The following SALL3 variants were observed in gnomAD, a reference collection of about 807,000 sequenced individuals.
SALL3 encodes spalt like transcription factor 3.
In SALL3, 25 loss-of-function variants were observed where a neutral mutation model predicts 66.2. That is an observed-to-expected ratio of 0.38 (90% confidence interval 0.28 to 0.53). The LOEUF (loss-of-function observed/expected upper bound fraction) is 0.53. Ranked by LOEUF, SALL3 falls within the 20% of genes least tolerant of loss-of-function variation. The probability of loss-of-function intolerance (pLI) is 0.85; values close to 1 mark genes in which losing one functional copy is unlikely to be tolerated. For missense variants in SALL3, 2,194 were observed against 1,916.5 expected (o/e 1.14, Z -2.70); for synonymous variants, 1,152 against 899.1 (o/e 1.28, Z -5.03).
Position 78,993,273 on chromosome 18 carries a change from G to A in SALL3, c.1282G>A (p.Val428Ile), listed in dbSNP as rs757098474. The change falls in exon 2 of 3, where the codon GTC becomes ATC. Residue 428 changes from valine to isoleucine, a missense_variant. Coordinates refer to ENST00000537592, the MANE Select transcript of SALL3 (RefSeq NM_171999.4). Reference protein sequence around the residue: ...FKHKCRFCAKVFGSDSALQIH... With the variant: ...FKHKCRFCAKIFGSDSALQIH... ...GCACAAATGCCGCTTCTGCGCCAAG[G>A]TCTTCGGCAGCGACAGCGCGCTCCA... 1.2e-6 allele frequency: 2 copies of A among 1,610,756 alleles called. No individual in the cohort carries two copies. The highest frequency in any genetic ancestry group is 1.3e-5 in the African/African-American group (1 of 75,050).
intron 1 of SALL3, among the ~76,000 whole-genome samples, chr18:78,986,892 A>G (rs2146210175): frequency 1.3e-5 from 2 of 152,346 alleles, no homozygotes; most frequent in South Asian, 4.1e-4. Context: ...CTTAAAAACC[A>G]CTGTACTTGA....
At chr18:78,982,079 G>A (rs188752941) in intron 1 of SALL3, among the ~76,000 whole-genome samples, 3 of 152,302 alleles carry the variant, frequency 2.0e-5, no homozygotes, top group Admixed American at 2.0e-4. Context: ...TTAATTAATA[G>A]AGTAAACCCC....
chr18:78,995,289 C>G lies in SALL3; in HGVS notation c.3298C>G (p.Pro1100Ala). ...PQTVMGPGLA[P>A]MLAPPPRRTP... ...GACAGTGATGGGCCCGGGCCTGGCG[C>G]CCATGCTGGCCCCCCCACCGCGCCG... The change falls in exon 2 of 3, where the codon CCC becomes GCC. Residue 1100 changes from proline to alanine, a missense_variant. Pro to Ala is a conservative substitution (Grantham distance 27, BLOSUM62 -1). Coordinates refer to ENST00000537592, the MANE Select transcript of SALL3 (RefSeq NM_171999.4). The G allele has an allele frequency of 1.3e-6, 2 of 1,579,288 alleles. No individual in the cohort carries two copies. The highest frequency in any genetic ancestry group is 1.7e-6 in the Non-Finnish European group (2 of 1,168,048).
At chr18:78,989,362 C>T (rs1048344289) in intron 1 of SALL3, among the ~76,000 whole-genome samples, 17 of 152,206 alleles carry the variant, frequency 1.1e-4, no homozygotes, top group African/African-American at 3.6e-4. Context: ...GGGTCAGGAC[C>T]TTTGCAAAAA....
Position 78,993,579 on chromosome 18 carries a change from C to T in SALL3, c.1588C>T (p.Leu530=), listed in dbSNP as rs1914554910. 1.3e-6 allele frequency: 2 copies of T among 1,587,356 alleles called. No homozygotes were observed. Among genetic ancestry groups the T allele is most frequent in the Non-Finnish European group, 1.7e-6 (2 of 1,172,098 alleles). Residue 530 remains leucine (L), a synonymous_variant, in exon 2 of 3, where the codon CTG becomes TTG. Transcript: ENST00000537592. ...PTVPTSVGLQ[L]PPTVPGAHGY... ...CGTGCCCACGTCCGTGGGGCTGCAA[C>T]TGCCGCCCACTGTCCCTGGCGCGCA...
Position 78,994,124 on chromosome 18 carries a change from C to T in SALL3, c.2133C>T (p.Ile711=), listed in dbSNP as rs777071337. The change falls in exon 2 of 3, where the codon ATC becomes ATT. Residue 711 remains isoleucine (I), a synonymous_variant. Transcript: ENST00000537592. The part of the protein sequence containing the change: ...HTGERPFKCK[I]CGRAFTTKGN... The stretch of plus-strand genomic sequence containing the variant: ...GGGAGCGGCCGTTCAAGTGCAAGAT[C>T]TGCGGCCGCGCCTTCACCACCAAGG... 2 of 1,612,832 alleles carry T rather than the reference C, an allele frequency of 1.2e-6. No individual in the cohort carries two copies. The highest frequency in any genetic ancestry group is 2.7e-5 in the African/African-American group (2 of 74,952).
At chr18:78,984,260 G>T (rs529397238) in intron 1 of SALL3, among the ~76,000 whole-genome samples, 128 of 152,222 alleles carry the variant, frequency 8.4e-4, no homozygotes, top group African/African-American at 3.0e-3. Flanking sequence ...CACAACCAGG[G>T]TTTCTATTCT....
chr18:78,992,422 CGCCCCG>C lies in SALL3; in HGVS notation c.437_442del (p.Arg146_Pro147del), dbSNP rs1050975814. ...GCGGAACCCGCGGGGGACACGCGCG[CGCCCCG>C]GCCCCCGCCTGCGGCCCCTGCACCC... On this transcript the variant is annotated inframe_deletion, in exon 2 of 3. Coordinates refer to ENST00000537592, the MANE Select transcript of SALL3 (RefSeq NM_171999.4). 18 of 1,337,122 alleles carry C rather than the reference CGCCCCG, an allele frequency of 1.3e-5. No individual in the cohort carries two copies. The African/African-American group carries it at 2.4e-4, about 18-fold the overall frequency. The allele number at this position is 1,337,122 out of a possible 1,614,324, so 82.8% of individuals were successfully genotyped here.
chr18:78,994,989 A>C lies in SALL3; in HGVS notation c.2998A>C (p.Thr1000Pro). The stretch of plus-strand genomic sequence containing the variant: ...GTTGGAAATCCACTACCGCAGCCAT[A>C]CTAAGGAGCGGCCATTCGTCTGCGC... ...SALEIHYRSH[T>P]KERPFVCALC... Residue 1000 changes from threonine to proline, a missense_variant, in exon 2 of 3, where the codon ACT becomes CCT. By Grantham distance (38) the Thr-to-Pro change is conservative. Transcript: ENST00000537592. 6.2e-7 allele frequency: 1 copy of C among 1,613,866 alleles called. No individual in the cohort carries two copies. The highest frequency in any genetic ancestry group is 2.2e-5 in the East Asian group (1 of 44,864).
chr18:78,992,526 GC>G lies in SALL3; in HGVS notation c.536del (p.Ala179GlyfsTer26). ...GCTGCTGAGCACCAAGGTGGCGGTG[GC>G]GCAGTTCTCGCAGGGCGCGCGCGCG... ...EALLSTKVAV[A>X]QFSQGARAAG... On this transcript the variant is annotated frameshift_variant, in exon 2 of 3. Coordinates refer to ENST00000537592, the MANE Select transcript of SALL3 (RefSeq NM_171999.4). LOFTEE classifies it high-confidence loss of function. 1 of 1,491,668 alleles carries G rather than the reference GC, an allele frequency of 6.7e-7. No homozygotes were observed. Among genetic ancestry groups the G allele is most frequent in the Non-Finnish European group, 8.9e-7 (1 of 1,126,878 alleles). The allele number at this position is 1,491,668 out of a possible 1,614,324, so 92.4% of individuals were successfully genotyped here. A position where few individuals can be genotyped will look rare whatever the true frequency, so the allele number is the denominator to read the frequency against.
rs1159395703 is a variant in SALL3, at chr18:78,993,091, C to T, written c.1100C>T (p.Ser367Phe). The part of the protein sequence containing the change: ...GLPSPLLPQT[S>F]ASGVIFPNPL... ...CCAAGTCCGCTTCTACCTCAGACTTCCGCCAGCGGCGTCATCTTCCCCAAC... is the reference window on the plus strand; with the variant it reads ...CCAAGTCCGCTTCTACCTCAGACTTTCGCCAGCGGCGTCATCTTCCCCAAC... The change falls in exon 2 of 3, where the codon TCC becomes TTC. Residue 367 changes from serine to phenylalanine, a missense_variant. Coordinates refer to ENST00000537592, the MANE Select transcript of SALL3 (RefSeq NM_171999.4). 2 of 1,599,790 alleles carry T rather than the reference C, an allele frequency of 1.3e-6. No individual in the cohort carries two copies. The highest frequency in any genetic ancestry group is 8.5e-7 in the Non-Finnish European group (1 of 1,176,802).
At position 78,997,595 on chromosome 18, in the gene SALL3, A is replaced by G. The variant is rs1599185747; in HGVS notation, c.*273A>G. 1 of 473,938 alleles carries G rather than the reference A, an allele frequency of 2.1e-6. No homozygotes were observed. Among genetic ancestry groups the G allele is most frequent in the South Asian group, 4.6e-5 (1 of 21,810 alleles). 29.4% of individuals were successfully genotyped at this position (473,938 alleles called of 1,614,324 possible). A position where few individuals can be genotyped will look rare whatever the true frequency, so the allele number is the denominator to read the frequency against. ...CTTAGGAACAGAAAGAGCTCAGACC[A>G]TGTCCACTTCCTTTCTCCTGAAACC... On this transcript the variant is annotated 3_prime_UTR_variant, in exon 3 of 3. Coordinates refer to ENST00000537592, the MANE Select transcript of SALL3 (RefSeq NM_171999.4).
intron 1 of SALL3, chr18:78,985,089 T>A (rs1914200759): frequency 6.6e-6 from 1 of 152,292 alleles, no homozygotes; most frequent in African/African-American, 2.4e-5. Context: ...TTAGAAGTGC[T>A]TTGACAAGCC....
chr18:78,989,633 A>G (rs762373736), intron 1 of SALL3, among the ~76,000 whole-genome samples: 1 of 152,232 alleles, frequency 6.6e-6, no homozygotes, highest in Non-Finnish European at 1.5e-5. Flanking sequence ...AACTGTAACT[A>G]TATATACTAC....
At chr18:78,985,257 C>G (rs1478726124) in intron 1 of SALL3, among the ~76,000 whole-genome samples, 1 of 152,216 alleles carries the variant, frequency 6.6e-6, no homozygotes, top group East Asian at 1.9e-4. Flanking sequence ...AACTAGAGAT[C>G]CCGCGAGCTT....
chr18:78,982,598 G>A (rs1201808853), intron 1 of SALL3, among the ~76,000 whole-genome samples: 1 of 152,130 alleles, frequency 6.6e-6, no homozygotes, highest in South Asian at 2.1e-4. Context: ...TTACTCGGTC[G>A]CACTCAGCAT....
At chr18:78,980,469 G>A (rs1913997169) in intron 1 of SALL3, 113 bp downstream of exon 1, 1 of 581,000 alleles carries the variant, frequency 1.7e-6, no homozygotes, top group South Asian at 6.0e-5. Flanking sequence ...AAAGTTCCCT[G>A]CTTCCTGCGG....
At position 78,997,107 on chromosome 18, in the gene SALL3, A is replaced by G. The variant is rs1316306498; in HGVS notation, c.3688A>G (p.Ile1230Val). The G allele has an allele frequency of 6.2e-7, 1 of 1,613,948 alleles. No individual in the cohort carries two copies. Among genetic ancestry groups the G allele is most frequent in the Non-Finnish European group, 8.5e-7 (1 of 1,180,008 alleles). ...TNGLAMKNNE[I>V]SVIQNGGIPQ... is the part of the protein sequence containing the mutation. ...CGGGCTCGCCATGAAGAACAACGAGATCTCCGTCATCCAGAACGGCGGCAT... is the reference window on the plus strand; with the variant it reads ...CGGGCTCGCCATGAAGAACAACGAGGTCTCCGTCATCCAGAACGGCGGCAT... Residue 1230 changes from isoleucine (I) to valine (V), a missense_variant, in exon 3 of 3, where the codon ATC becomes GTC. Transcript: ENST00000537592.
rs1362331011 is a variant in SALL3 at position 78,993,088 on chromosome 18, C to G, written c.1097C>G (p.Thr366Ser). 5 of 1,599,380 alleles carry G rather than the reference C, an allele frequency of 3.1e-6. No individual in the cohort carries two copies. The highest frequency in any genetic ancestry group is 4.2e-6 in the Non-Finnish European group (5 of 1,176,808). The part of the protein sequence containing the change: ...PGLPSPLLPQ[T>S]SASGVIFPNP... ...CTGCCAAGTCCGCTTCTACCTCAGA[C>G]TTCCGCCAGCGGCGTCATCTTCCCC... The change falls in exon 2 of 3, where the codon ACT (threonine) becomes AGT (serine). Residue 366 changes from threonine (T) to serine (S), a missense_variant. Physicochemically the swap from Thr to Ser is moderately conservative, Grantham distance 58 (BLOSUM62 1). Transcript: ENST00000537592.
Sources: allele counts gnomAD v4.1 joint callset (sites outside exome capture counted in the v4.1 genomes callset), GRCh38; gene constraint gnomAD v4.1.1; transcripts MANE v1.5; gene names NCBI Gene and HGNC (gene_info 2026-07-23, HGNC 2026-07-21).